ATIC: variants seen among roughly 807,000 people sequenced by gnomAD.
ATIC encodes bifunctional purine biosynthesis protein ATIC.
ATIC carries 64 observed loss-of-function variants against 72.5 expected under a neutral mutation model. The observed-to-expected ratio is 0.88, with a 90% CI of 0.72 to 1.09. The LOEUF is 1.09. Among genes scored for constraint, ATIC ranks in the 50% least tolerant of loss-of-function variants. ATIC has a pLI of 0.00. For synonymous variants in ATIC, 281 were observed against 267.1 expected, an observed-to-expected ratio of 1.05 and a Z score of -0.51; for missense variants, 787 against 732.4, an observed-to-expected ratio of 1.07 and a Z score of -0.86.
intron 9 of ATIC, among the ~76,000 whole-genome samples, 186 bp downstream of exon 9, chr2:215,333,643 A>G (rs1473467287): frequency 6.6e-6 from 1 of 152,194 alleles, no homozygotes; most frequent in Non-Finnish European, 1.5e-5. Flanking sequence ...TGATTAAAGT[A>G]AAATACCCTT....
chr2:215,351,148 C>A (rs1007424573), downstream of ATIC, among the ~76,000 whole-genome samples: 1 of 152,132 alleles, frequency 6.6e-6, no homozygotes, highest in African/African-American at 2.4e-5. Context: ...GTTAAGCAGC[C>A]CTCCACAAGG....
At position 215,312,473 on chromosome 2, in the gene ATIC, T is replaced by C. The variant is rs182747429; in HGVS notation, c.20-25T>C. The stretch of plus-strand genomic sequence containing the variant: ...ACACAGTGCAATGTGCTGCGAATCA[T>C]GAGAAAAAATGTCTTCTCTTTCAGC... On this transcript the variant is annotated intron_variant, in intron 1 of 15. Coordinates refer to ENST00000236959, the MANE Select transcript of ATIC (RefSeq NM_004044.7). 216 of 1,614,190 alleles carry C rather than the reference T, an allele frequency of 1.3e-4. 2 individuals carry two copies. In the East Asian group the frequency reaches 4.1e-3, roughly 30 times the overall value.
At chr2:215,326,785 T>G (rs748519138) in intron 6 of ATIC, 37 bp from the exon 7 acceptor site, 1 of 1,613,042 alleles carries the variant, frequency 6.2e-7, no homozygotes, top group East Asian at 2.2e-5. Flanking sequence ...CTTTGGAAAG[T>G]GCTGCTCGTG....
At chr2:215,319,588 G>A in intron 3 of ATIC, 77 bp from the exon 4 acceptor site, 1 of 1,044,736 alleles carries the variant, frequency 9.6e-7, no homozygotes, top group South Asian at 1.3e-5. Context: ...TTTGATTGAA[G>A]ACACTATGTT....
At position 215,312,479 on chromosome 2, in the gene ATIC, A is replaced by G; in HGVS notation, c.20-19A>G. On this transcript the variant is annotated intron_variant, in intron 1 of 15. Coordinates refer to ENST00000236959, the MANE Select transcript of ATIC (RefSeq NM_004044.7). ...TGCAATGTGCTGCGAATCATGAGAA[A>G]AAATGTCTTCTCTTTCAGCCTTATT... The G allele has an allele frequency of 6.2e-7, 1 of 1,614,212 alleles. No homozygotes were observed. The highest frequency in any genetic ancestry group is 8.5e-7 in the Non-Finnish European group (1 of 1,180,024).
chr2:215,336,987 G>T (rs887147900), intron 11 of ATIC, among the ~76,000 whole-genome samples: 1 of 151,964 alleles, frequency 6.6e-6, no homozygotes, highest in Non-Finnish European at 1.5e-5. Context: ...AACATTGTGT[G>T]TGGTATGAGC....
chr2:215,362,410 G>T, the ATIC span: 1 of 319,050 alleles, frequency 3.1e-6, no homozygotes, highest in Non-Finnish European at 6.0e-6. Flanking sequence ...TGATAGAAAA[G>T]GTTTTCAAAG....
chr2:215,347,077 T>C, intron 14 of ATIC, 136 bp downstream of exon 14: 3 of 1,127,024 alleles, frequency 2.7e-6, no homozygotes, highest in South Asian at 1.4e-5. Flanking sequence ...AAATTGATCA[T>C]TGAAACTTCT....
chr2:215,312,077 T>C lies in ATIC; in HGVS notation c.-66T>C, dbSNP rs937625851. The C allele has an allele frequency of 1.4e-4, 211 of 1,528,552 alleles. No homozygotes were observed. The highest frequency in any genetic ancestry group is 2.2e-4 in the Middle Eastern group (1 of 4,536). 94.7% of individuals were successfully genotyped at this position (1,528,552 alleles called of 1,614,324 possible). On this transcript the variant is annotated 5_prime_UTR_variant, in exon 1 of 16. Coordinates refer to ENST00000236959, the MANE Select transcript of ATIC (RefSeq NM_004044.7). ...CTGAGCCGCCACATCCCGGCAGCCC[T>C]CCTACCTGCGCACGTGGTGCCGCCG...
intron 4 of ATIC, among the ~76,000 whole-genome samples, chr2:215,323,101 T>A (rs1275327070): frequency 6.6e-6 from 1 of 152,086 alleles, no homozygotes; most frequent in Non-Finnish European, 1.5e-5. Context: ...CCCGCTACCA[T>A]GCGCAGCTAA....
the ATIC span, chr2:215,364,676 G>C: frequency 1.7e-4 from 101 of 609,232 alleles, 1 homozygote; most frequent in Admixed American, 2.6e-5. Flanking sequence ...TTTCTACTAA[G>C]AGTAATAGAA....
At chr2:215,365,637 G>C in the ATIC span, 2 of 1,613,756 alleles carry the variant, frequency 1.2e-6, no homozygotes, top group African/African-American at 2.7e-5. Context: ...CATCCTGTAG[G>C]GGTGGGGAAA....
At chr2:215,367,846 A>G in the ATIC span, 79 of 1,613,580 alleles carry the variant, frequency 4.9e-5, no homozygotes, top group Non-Finnish European at 6.5e-5. Context: ...AAGTGGATGG[A>G]CAAAGCAACT....
Position 215,349,091 on chromosome 2 carries a change from T to A in ATIC, c.1504-3T>A. 6.2e-7 allele frequency: 1 copy of A among 1,613,926 alleles called. No homozygotes were observed. The highest frequency in any genetic ancestry group is 8.5e-7 in the Non-Finnish European group (1 of 1,179,938). ...GCTTCTTCCTTTCTCTCTCCCCGCA[T>A]AGGATGAAGATTTGATAAAGTGGAA... is the stretch of plus-strand genomic sequence containing the variant. On this transcript the variant is annotated splice_polypyrimidine_tract_variant and splice_region_variant and intron_variant, in intron 14 of 15. Coordinates refer to ENST00000236959, the MANE Select transcript of ATIC (RefSeq NM_004044.7).
intron 12 of ATIC, among the ~76,000 whole-genome samples, chr2:215,343,183 A>G (rs567220519): frequency 1.7e-4 from 25 of 147,904 alleles, no homozygotes; most frequent in African/African-American, 6.0e-4. Context: ...AAGACATGGG[A>G]TAGTTGTGTA....
chr2:215,317,628 G>C (rs576988268), intron 2 of ATIC, among the ~76,000 whole-genome samples: 2 of 152,088 alleles, frequency 1.3e-5, no homozygotes, highest in African/African-American at 4.8e-5. Flanking sequence ...TGGGATTACA[G>C]GTGCCCGCCA....
At chr2:215,317,524 C>T (rs532357182) in intron 2 of ATIC, among the ~76,000 whole-genome samples, 9 of 152,106 alleles carry the variant, frequency 5.9e-5, no homozygotes, top group East Asian at 1.9e-4. Flanking sequence ...CTTGCTCTGT[C>T]GCCCAGGCTG....
chr2:215,317,145 C>T (rs7585489), intron 2 of ATIC, among the ~76,000 whole-genome samples: 28,138 of 152,192 alleles, frequency 0.18, 3,103 homozygotes, highest in East Asian at 0.51. Context: ...TTCGTGGTTA[C>T]GACTTTCTAG....
At chr2:215,358,400 C>T in the ATIC span, among the ~76,000 whole-genome samples, 2 of 151,982 alleles carry the variant, frequency 1.3e-5, no homozygotes, top group East Asian at 1.9e-4. Context: ...AAACAATTCT[C>T]GGGGGAAGCA....
Sources: gnomAD v4.1 joint callset for allele counts (sites outside exome capture counted in the v4.1 genomes callset) on GRCh38, gnomAD v4.1.1 for gene constraint, MANE v1.5 for transcripts, NCBI Gene and HGNC (gene_info 2026-07-23, HGNC 2026-07-21) for gene names.